Variants in EEFSEC observed in about 807,000 individuals in gnomAD.
EEFSEC encodes eukaryotic elongation factor, selenocysteine-tRNA specific.
Under a neutral mutation model 42.1 loss-of-function variants are expected in EEFSEC, and 43 were observed. That is an observed-to-expected ratio of 1.02 (90% CI 0.80 to 1.32). The LOEUF (loss-of-function observed/expected upper bound fraction) is 1.32, where lower values mean the gene tolerates loss of function less well. EEFSEC is among the 40% of genes most tolerant of loss of function. The probability of loss-of-function intolerance (pLI) is 0.00; values close to 1 mark genes in which losing one functional copy is unlikely to be tolerated. For missense variants in EEFSEC, 745 were observed against 803.6 expected (o/e 0.93, Z 0.88); for synonymous variants, 354 against 339.1 (o/e 1.04, Z -0.48).
chr3:128,161,469 C>A (rs2065186751), intron 1 of EEFSEC, among the ~76,000 whole-genome samples: 1 of 152,130 alleles, frequency 6.6e-6, no homozygotes, highest in Non-Finnish European at 1.5e-5. Flanking sequence ...GACCTCTTGC[C>A]TTCTGTACAC....
chr3:128,177,027 C>T lies in EEFSEC; in HGVS notation c.316+23204C>T, dbSNP rs568459260. Among the ~76,000 whole-genome samples the T allele has an allele frequency of 8.7e-5, 13 of 149,334 alleles. No individual in the cohort carries two copies. The East Asian group carries it at 2.3e-3, about 27-fold the overall frequency. On this transcript the variant is annotated intron_variant, in intron 1 of 6. Transcript: ENST00000254730. ...TATTATTATTTTTGAGACAGAGTCT[C>T]GCTCTGTCACCCAGGCTGGAGTGCG...
At chr3:128,359,987 C>T (rs1219887940) in intron 6 of EEFSEC, among the ~76,000 whole-genome samples, 4 of 152,220 alleles carry the variant, frequency 2.6e-5, no homozygotes, top group Non-Finnish European at 4.4e-5. Flanking sequence ...TAGCATCTGC[C>T]TTCTCATGAG....
At chr3:128,404,216 G>T (rs2068082941) in intron 6 of EEFSEC, among the ~76,000 whole-genome samples, 1 of 152,212 alleles carries the variant, frequency 6.6e-6, no homozygotes. Context: ...AATCCATGCT[G>T]CCCCATGTCC....
At chr3:128,275,294 G>A (rs2066456525) in intron 4 of EEFSEC, among the ~76,000 whole-genome samples, 1 of 152,182 alleles carries the variant, frequency 6.6e-6, no homozygotes, top group South Asian at 2.1e-4. Context: ...TGCAAGCATG[G>A]GTGCTGCCTG....
intron 1 of EEFSEC, among the ~76,000 whole-genome samples, chr3:128,159,986 C>G (rs2065163589): frequency 1.3e-5 from 2 of 152,228 alleles, no homozygotes; most frequent in South Asian, 4.1e-4. Flanking sequence ...GTCTCATTCA[C>G]CAGTGTTCTC....
At chr3:128,300,542 A>G (rs113743315) in intron 4 of EEFSEC, among the ~76,000 whole-genome samples, 3 of 9,702 alleles carry the variant, frequency 3.1e-4, no homozygotes, top group South Asian at 2.5e-3. Context: ...ACTCTGTCTG[A>G]AAAAAAAAAA....
the EEFSEC span, among the ~76,000 whole-genome samples, chr3:128,421,785 AC>A: frequency 6.6e-6 from 1 of 151,990 alleles, no homozygotes. Context: ...GGCCTGGCTG[AC>A]CTGTGGGCAC....
intron 1 of EEFSEC, among the ~76,000 whole-genome samples, chr3:128,219,428 C>G (rs1369890987): frequency 6.6e-6 from 1 of 152,174 alleles, no homozygotes. Context: ...CCTGTCACCC[C>G]CATTTGGCTT....
intron 6 of EEFSEC, among the ~76,000 whole-genome samples, chr3:128,406,640 A>G (rs1046147154): frequency 3.9e-5 from 6 of 152,180 alleles, no homozygotes; most frequent in African/African-American, 1.4e-4. Context: ...GCAAAACCCC[A>G]TCTCCACAAA....
intron 5 of EEFSEC, among the ~76,000 whole-genome samples, chr3:128,348,275 TGC>T (rs1491069199): frequency 1.3e-5 from 2 of 150,110 alleles, no homozygotes; most frequent in African/African-American, 4.9e-5. Flanking sequence ...TGTGTGCGTG[TGC>T]GTGTGTGTGT....
intron 6 of EEFSEC, among the ~76,000 whole-genome samples, chr3:128,405,218 G>C (rs573810402): frequency 6.6e-6 from 1 of 152,038 alleles, no homozygotes; most frequent in Admixed American, 6.5e-5. Flanking sequence ...GGGTTTCACC[G>C]TGTTAGCCAG....
chr3:128,168,653 A>G (rs1283748750), intron 1 of EEFSEC, among the ~76,000 whole-genome samples: 1 of 152,210 alleles, frequency 6.6e-6, no homozygotes. Context: ...CAAGACACCC[A>G]TAAATGTGAA....
intron 1 of EEFSEC, among the ~76,000 whole-genome samples, chr3:128,242,695 T>C (rs1464379943): frequency 1.3e-5 from 2 of 152,212 alleles, no homozygotes; most frequent in Non-Finnish European, 2.9e-5. Flanking sequence ...GATTAAGATA[T>C]ATAATTTACA....
intron 2 of EEFSEC, among the ~76,000 whole-genome samples, chr3:128,254,362 G>A (rs1420485902): frequency 6.6e-6 from 1 of 152,210 alleles, no homozygotes; most frequent in Non-Finnish European, 1.5e-5. Context: ...TGGTATAGAC[G>A]ACTGGTGGTT....
At position 128,261,551 on chromosome 3, in the gene EEFSEC, CTT is replaced by C. The variant is rs386397883; in HGVS notation, c.525-558_525-557del. On this transcript the variant is annotated intron_variant, in intron 2 of 6. Transcript: ENST00000254730. ...TGGGTTATTTATTTTCTCTTTCCCTCTTTTTTTTTTTTTTTTTTTTGCCCTAA... is the reference window on the plus strand; with the variant it reads ...TGGGTTATTTATTTTCTCTTTCCCTCTTTTTTTTTTTTTTTTTTGCCCTAA... 5.7e-3 allele frequency among the ~76,000 whole-genome samples: 608 copies of C among 106,854 alleles called. 3 individuals carry two copies. The highest frequency in any genetic ancestry group is 0.018 in the African/African-American group (520 of 28,534). 70.1% of individuals were successfully genotyped at this position (106,854 alleles called of 152,430 possible).
chr3:128,411,104 C>T (rs574169860), downstream of EEFSEC, among the ~76,000 whole-genome samples: 2 of 152,308 alleles, frequency 1.3e-5, no homozygotes, highest in Non-Finnish European at 2.9e-5. Context: ...TTAGTGGGGT[C>T]GGGCCAGGGC....
intron 2 of EEFSEC, among the ~76,000 whole-genome samples, chr3:128,248,579 G>A (rs1043387889): frequency 6.6e-6 from 1 of 152,148 alleles, no homozygotes; most frequent in African/African-American, 2.4e-5. Context: ...ACTGTAAAAA[G>A]GAAGATAAAA....
chr3:128,165,584 T>C (rs1173473919), intron 1 of EEFSEC, among the ~76,000 whole-genome samples: 1 of 152,234 alleles, frequency 6.6e-6, no homozygotes, highest in Non-Finnish European at 1.5e-5. Context: ...ACTTTCCCTC[T>C]TTCCATATCT....
Position 128,155,197 on chromosome 3 carries a change from C to G in EEFSEC, c.316+1374C>G, listed in dbSNP as rs373078062. ...TGGTGCAATCTTGGCTCACTGCAACCTCTTTCTCCCCGGTTCAAGCGATTC... is the reference window on the plus strand; with the variant it reads ...TGGTGCAATCTTGGCTCACTGCAACGTCTTTCTCCCCGGTTCAAGCGATTC... On this transcript the variant is annotated intron_variant, in intron 1 of 6. Coordinates refer to ENST00000254730, the MANE Select transcript of EEFSEC (RefSeq NM_021937.5). Among the ~76,000 whole-genome samples the G allele has an allele frequency of 1.7e-3, 261 of 152,250 alleles. 1 individual carries two copies. In the Middle Eastern group the frequency reaches 0.048, roughly 28 times the overall value.
Sources: gnomAD v4.1 joint callset for allele counts (sites outside exome capture counted in the v4.1 genomes callset) on GRCh38, gnomAD v4.1.1 for gene constraint, MANE v1.5 for transcripts, NCBI Gene and HGNC (gene_info 2026-07-23, HGNC 2026-07-21) for gene names.